HSPB2: variants seen among roughly 807,000 people sequenced by gnomAD.
HSPB2 encodes the protein heat shock protein beta-2.
HSPB2 carries 14 observed loss-of-function variants against 14.1 expected under a neutral mutation model. The ratio of observed to expected loss-of-function variants is 0.99; its 90% confidence interval spans 0.66 to 1.55. HSPB2 has a LOEUF of 1.55. Ranked by LOEUF, HSPB2 falls within the 40% of genes most tolerant of loss-of-function variation. The pLI, the probability that HSPB2 is intolerant of heterozygous loss-of-function variation, is 0.00. For synonymous variants in HSPB2, 110 were observed against 103.4 expected, an observed-to-expected ratio of 1.06 and a Z score of -0.39; for missense variants, 242 against 241.7, an observed-to-expected ratio of 1.00 and a Z score of -0.01.
Position 111,913,958 on chromosome 11 carries a change from C to A in HSPB2, c.*63C>A. The A allele has an allele frequency of 7.2e-7, 1 of 1,394,002 alleles. No individual in the cohort carries two copies. The highest frequency in any genetic ancestry group is 2.3e-5 in the East Asian group (1 of 43,446). 86.4% of individuals were successfully genotyped at this position (1,394,002 alleles called of 1,614,324 possible). A position where few individuals can be genotyped will look rare whatever the true frequency, so the allele number is the denominator to read the frequency against. On this transcript the variant is annotated 3_prime_UTR_variant, in exon 2 of 2. Coordinates refer to ENST00000304298, the MANE Select transcript of HSPB2 (RefSeq NM_001541.4). The stretch of plus-strand genomic sequence containing the variant: ...CTCCCAAGGTGATATGGGCAGCTGC[C>A]CACCACTCCAGAGGTAGCAGCATCC...
chr11:111,913,541 C>A lies in HSPB2; in HGVS notation c.195C>A (p.Ser65=), dbSNP rs1215642803. Reference sequence around the variant, plus strand: ...GGGAGGGCAGCAGGGCAGGGGCCTCCGAGCTTAGGCTCAGTGAGGGCAAGT... The same window carrying A: ...GGGAGGGCAGCAGGGCAGGGGCCTCAGAGCTTAGGCTCAGTGAGGGCAAGT... ...PAGEGSRAGA[S]ELRLSEGKFQ... Residue 65 remains serine (S), a synonymous_variant, in exon 2 of 2, where the codon TCC becomes TCA. Transcript: ENST00000304298. 1 of 1,614,162 alleles carries A rather than the reference C, an allele frequency of 6.2e-7. No homozygotes were observed.
At position 111,913,551 on chromosome 11, in the gene HSPB2, CTCAG is replaced by C. The variant is rs1566414749; in HGVS notation, c.207_210del (p.Ser70ArgfsTer10). Reference sequence around the variant, plus strand: ...CAGGGCAGGGGCCTCCGAGCTTAGGCTCAGTGAGGGCAAGTTCCAGGCATTTCTG... The same window carrying C: ...CAGGGCAGGGGCCTCCGAGCTTAGGCTGAGGGCAAGTTCCAGGCATTTCTG... On this transcript the variant is annotated frameshift_variant, in exon 2 of 2. Coordinates refer to ENST00000304298, the MANE Select transcript of HSPB2 (RefSeq NM_001541.4). LOFTEE classifies it high-confidence loss of function. 1 of 1,614,188 alleles carries C rather than the reference CTCAG, an allele frequency of 6.2e-7. No homozygotes were observed. Among genetic ancestry groups the C allele is most frequent in the Non-Finnish European group, 8.5e-7 (1 of 1,180,024 alleles).
Position 111,912,794 on chromosome 11 carries a change from G to T in HSPB2, c.-36G>T. On this transcript the variant is annotated 5_prime_UTR_variant, in exon 1 of 2. Coordinates refer to ENST00000304298, the MANE Select transcript of HSPB2 (RefSeq NM_001541.4). Reference sequence around the variant, plus strand: ...GGGTCGCGCTGCGCCTGTTGGGGCTGCACCTCGGACCAGGGCTTCTGCTGC... The same window carrying T: ...GGGTCGCGCTGCGCCTGTTGGGGCTTCACCTCGGACCAGGGCTTCTGCTGC... The T allele has an allele frequency of 3.9e-6, 6 of 1,533,368 alleles. No individual in the cohort carries two copies. Among genetic ancestry groups the T allele is most frequent in the Non-Finnish European group, 3.6e-6 (4 of 1,125,892 alleles). 95.0% of individuals were successfully genotyped at this position (1,533,368 alleles called of 1,614,324 possible). A position where few individuals can be genotyped will look rare whatever the true frequency, so the allele number is the denominator to read the frequency against.
rs1965509844 is a variant in HSPB2, at chr11:111,912,857, C to T, written c.28C>T (p.His10Tyr). The part of the protein sequence containing the change: MSGRSVPHA[H>Y]PATAEYEFAN... ...GTCGGGCCGCTCAGTGCCACATGCC[C>T]ACCCGGCCACCGCCGAGTACGAATT... Residue 10 changes from histidine (H) to tyrosine (Y), a missense_variant, in exon 1 of 2, where the codon CAC becomes TAC. Transcript: ENST00000304298. 1.2e-6 allele frequency: 2 copies of T among 1,607,544 alleles called. No homozygotes were observed. Among genetic ancestry groups the T allele is most frequent in the African/African-American group, 1.3e-5 (1 of 74,924 alleles).
chr11:111,913,415 C>T (rs1555165839), intron 1 of HSPB2, 26 bp from the exon 2 acceptor site: 2 of 1,557,694 alleles, frequency 1.3e-6, no homozygotes, highest in Admixed American at 3.4e-5. Flanking sequence ...CCTCATCCTG[C>T]CTCTTGCCTT....
Position 111,913,886 on chromosome 11 carries a change from T to A in HSPB2, c.540T>A (p.Val180=). ...DPEEEEEAAI[V]EP is the part of the protein sequence containing the mutation. The stretch of plus-strand genomic sequence containing the variant: ...AGGAAGAGGAGGAGGCAGCCATAGT[T>A]GAGCCCTGATTGCCACAGACCCAGC... Residue 180 remains valine (V), a synonymous_variant, in exon 2 of 2, where the codon GTT becomes GTA. Coordinates refer to ENST00000304298, the MANE Select transcript of HSPB2 (RefSeq NM_001541.4). The A allele has an allele frequency of 6.2e-7, 1 of 1,606,338 alleles. No homozygotes were observed. The highest frequency in any genetic ancestry group is 8.5e-7 in the Non-Finnish European group (1 of 1,176,054).
In HSPB2 at chr11:111,913,501, G is replaced by C. The variant is rs1465051226; in HGVS notation, c.155G>C (p.Arg52Pro). The change falls in exon 2 of 2, where the codon CGG becomes CCG. Residue 52 changes from arginine to proline, a missense_variant. Arg to Pro is a moderately radical substitution (Grantham distance 103). Coordinates refer to ENST00000304298, the MANE Select transcript of HSPB2 (RefSeq NM_001541.4). ...TLYHGYYVRP[R>P]AAPAGEGSRA... Reference sequence around the variant, plus strand: ...TACCATGGCTACTATGTCCGGCCTCGGGCCGCCCCAGCTGGGGAGGGCAGC... The same window carrying C: ...TACCATGGCTACTATGTCCGGCCTCCGGCCGCCCCAGCTGGGGAGGGCAGC... The C allele has an allele frequency of 2.5e-6, 4 of 1,613,590 alleles. No homozygotes were observed. In the South Asian group the frequency reaches 3.3e-5, roughly 13 times the overall value.
chr11:111,913,574 A>G lies in HSPB2; in HGVS notation c.228A>G (p.Ala76=). The G allele has an allele frequency of 6.2e-7, 1 of 1,614,126 alleles. No individual in the cohort carries two copies. The highest frequency in any genetic ancestry group is 8.5e-7 in the Non-Finnish European group (1 of 1,180,012). Residue 76 remains alanine (A), a synonymous_variant, in exon 2 of 2, where the codon GCA becomes GCG. Coordinates refer to ENST00000304298, the MANE Select transcript of HSPB2 (RefSeq NM_001541.4). The part of the protein sequence containing the change: ...ELRLSEGKFQ[A]FLDVSHFTPD... ...GGCTCAGTGAGGGCAAGTTCCAGGC[A>G]TTTCTGGATGTGAGCCACTTTACCC...
Position 111,913,459 on chromosome 11 carries a change from T to C in HSPB2, c.113T>C (p.Ile38Thr), listed in dbSNP as rs146569701. 1.1e-4 allele frequency: 173 copies of C among 1,609,872 alleles called. No homozygotes were observed. In the East Asian group the frequency reaches 3.6e-3, roughly 34 times the overall value. ...RFGEGLLPEE[I>T]LTPTLYHGYY... ...CCTTTAGGCCTCCTGCCAGAAGAGA[T>C]CCTGACCCCCACACTCTACCATGGC... Residue 38 changes from isoleucine to threonine, a missense_variant, in exon 2 of 2, where the codon ATC becomes ACC. By Grantham distance (89) the Ile-to-Thr change is moderately conservative. Transcript: ENST00000304298.
chr11:111,912,734 C>T lies in HSPB2; in HGVS notation c.-96C>T, dbSNP rs540781081. 390 of 932,064 alleles carry T rather than the reference C, an allele frequency of 4.2e-4. 1 individual carries two copies. The highest frequency in any genetic ancestry group is 6.0e-4 in the Non-Finnish European group (361 of 600,720). 57.7% of individuals were successfully genotyped at this position (932,064 alleles called of 1,614,324 possible). Reference sequence around the variant, plus strand: ...TGGGTGGTGTCGACCCCGCCCCCACCTCCTATCGAGCCCTGGCTCTCCGGG... The same window carrying T: ...TGGGTGGTGTCGACCCCGCCCCCACTTCCTATCGAGCCCTGGCTCTCCGGG... On this transcript the variant is annotated 5_prime_UTR_variant, in exon 1 of 2. Coordinates refer to ENST00000304298, the MANE Select transcript of HSPB2 (RefSeq NM_001541.4).
At chr11:111,912,946 T>G in intron 1 of HSPB2, 23 bp downstream of exon 1, 8 of 965,922 alleles carry the variant, frequency 8.3e-6, no homozygotes, top group Non-Finnish European at 9.0e-6. Context: ...CACCACCCCC[T>G]TGCCCCCCAC....
rs782197093 is a variant in HSPB2 at position 111,913,494 on chromosome 11, C to T, written c.148C>T (p.Arg50Trp). ...CACACTCTACCATGGCTACTATGTC[C>T]GGCCTCGGGCCGCCCCAGCTGGGGA... ...TPTLYHGYYV[R>W]PRAAPAGEGS... Residue 50 changes from arginine to tryptophan, a missense_variant, in exon 2 of 2, where the codon CGG (arginine) becomes TGG (tryptophan). Transcript: ENST00000304298. The T allele has an allele frequency of 8.1e-6, 13 of 1,613,310 alleles. No homozygotes were observed. The highest frequency in any genetic ancestry group is 1.3e-5 in the African/African-American group (1 of 74,944).
intron 1 of HSPB2, 190 bp downstream of exon 1, chr11:111,913,113 A>AGTG: frequency 3.3e-6 from 2 of 604,850 alleles, no homozygotes; most frequent in Non-Finnish European, 6.0e-6. Flanking sequence ...ACCTCAAGAC[A>AGTG]CACTTGGTGC....
Position 111,912,876 on chromosome 11 carries a change from A to G in HSPB2, c.47A>G (p.Tyr16Cys). The change falls in exon 1 of 2, where the codon TAC becomes TGC. Residue 16 changes from tyrosine (Y) to cysteine (C), a missense_variant. Coordinates refer to ENST00000304298, the MANE Select transcript of HSPB2 (RefSeq NM_001541.4). ...CATGCCCACCCGGCCACCGCCGAGTACGAATTTGCCAACCCGAGCCGCCTG... is the reference window on the plus strand; with the variant it reads ...CATGCCCACCCGGCCACCGCCGAGTGCGAATTTGCCAACCCGAGCCGCCTG... ...VPHAHPATAE[Y>C]EFANPSRLGE... is the part of the protein sequence containing the mutation. 3 of 1,609,984 alleles carry G rather than the reference A, an allele frequency of 1.9e-6. No homozygotes were observed. Among genetic ancestry groups the G allele is most frequent in the East Asian group, 2.2e-5 (1 of 44,784 alleles).
At chr11:111,913,209 C>T (rs1592512288) in intron 1 of HSPB2, 1 of 603,384 alleles carries the variant, frequency 1.7e-6, no homozygotes, top group Non-Finnish European at 2.9e-6. Context: ...GTGCCTCCTC[C>T]TCCTCCCCCT....
At chr11:111,913,260 C>G in intron 1 of HSPB2, 181 bp from the exon 2 acceptor site, 1 of 638,016 alleles carries the variant, frequency 1.6e-6, no homozygotes. Flanking sequence ...CCTTTCCGTT[C>G]TCTTTCCCCT....
At chr11:111,913,229 T>C (rs1323256351) in intron 1 of HSPB2, 22 of 584,848 alleles carry the variant, frequency 3.8e-5, no homozygotes, top group African/African-American at 2.1e-4. Context: ...TCCTCCTCCT[T>C]CTCCTCCTCC....
In HSPB2 at chr11:111,913,880, C is replaced by G. The variant is rs781830805; in HGVS notation, c.534C>G (p.Ala178=). Residue 178 remains alanine, a synonymous_variant, in exon 2 of 2, where the codon GCC becomes GCG. Coordinates refer to ENST00000304298, the MANE Select transcript of HSPB2 (RefSeq NM_001541.4). ...PPDPEEEEEA[A]IVEP is the part of the protein sequence containing the mutation. ...ATCCAGAGGAAGAGGAGGAGGCAGC[C>G]ATAGTTGAGCCCTGATTGCCACAGA... is the stretch of plus-strand genomic sequence containing the variant. 7 of 1,608,718 alleles carry G rather than the reference C, an allele frequency of 4.4e-6. No homozygotes were observed. Among genetic ancestry groups the G allele is most frequent in the Middle Eastern group, 3.3e-4 (2 of 6,040 alleles).
chr11:111,913,205 C>A (rs1965526777), intron 1 of HSPB2: 2 of 599,248 alleles, frequency 3.3e-6, no homozygotes, highest in East Asian at 5.6e-5. Context: ...TTTGGTGCCT[C>A]CTCCTCCTCC....
Sources: allele counts gnomAD v4.1 joint callset, GRCh38; gene constraint gnomAD v4.1.1; transcripts MANE v1.5; gene names NCBI Gene and HGNC (gene_info 2026-07-23, HGNC 2026-07-21).